SLC4A4: variants seen among roughly 807,000 people sequenced by gnomAD.
The protein encoded by SLC4A4 is electrogenic sodium bicarbonate cotransporter 1.
In SLC4A4, 27 loss-of-function variants were observed where a neutral mutation model predicts 111.5. The observed-to-expected ratio is 0.24, with a 90% CI of 0.18 to 0.33. The LOEUF (loss-of-function observed/expected upper bound fraction) is 0.33, where lower values mean the gene tolerates loss of function less well. Among genes scored for constraint, SLC4A4 ranks in the 10% least tolerant of loss-of-function variants. SLC4A4 has a pLI of 1.00. For synonymous variants in SLC4A4, 443 were observed against 463.4 expected, an observed-to-expected ratio of 0.96 and a Z score of 0.57; for missense variants, 909 against 1,315.5, an observed-to-expected ratio of 0.69 and a Z score of 4.78.
At chr4:71,221,429 A>G (rs769864829) in intron 1 of SLC4A4, among the ~76,000 whole-genome samples, 1 of 152,250 alleles carries the variant, frequency 6.6e-6, no homozygotes, top group Non-Finnish European at 1.5e-5. Context: ...AAAGGATGAC[A>G]AGCTCAGGGC....
chr4:71,448,749 C>T (rs958471169), intron 9 of SLC4A4, among the ~76,000 whole-genome samples: 4 of 152,102 alleles, frequency 2.6e-5, no homozygotes, highest in Non-Finnish European at 5.9e-5. Context: ...TACTATTTCC[C>T]CAAATGTATT....
intron 2 of SLC4A4, among the ~76,000 whole-genome samples, chr4:71,093,409 C>T (rs1202416248): frequency 6.6e-6 from 1 of 152,166 alleles, no homozygotes; most frequent in African/African-American, 2.4e-5. Context: ...CTCAAGTGAT[C>T]TGCCTGTCTC....
At chr4:71,170,807 G>A (rs1407266566) in intron 2 of SLC4A4, among the ~76,000 whole-genome samples, 2 of 152,226 alleles carry the variant, frequency 1.3e-5, no homozygotes, top group South Asian at 4.1e-4. Flanking sequence ...ATGGAGGAGA[G>A]GTCTTTAGGG....
At chr4:71,274,270 T>C (rs1459046895) in intron 3 of SLC4A4, among the ~76,000 whole-genome samples, 1 of 152,154 alleles carries the variant, frequency 6.6e-6, no homozygotes, top group Non-Finnish European at 1.5e-5. Context: ...CATCTTGACA[T>C]TGAGTAGGCT....
chr4:71,179,185 G>A (rs1194095374), intron 2 of SLC4A4, among the ~76,000 whole-genome samples: 2 of 152,100 alleles, frequency 1.3e-5, no homozygotes, highest in Non-Finnish European at 2.9e-5. Flanking sequence ...CAATAAATTA[G>A]GTATTGATGG....
intron 2 of SLC4A4, among the ~76,000 whole-genome samples, chr4:71,115,898 A>T (rs2066030132): frequency 1.3e-5 from 2 of 152,104 alleles, no homozygotes; most frequent in South Asian, 4.1e-4. Context: ...TTTTTATTTT[A>T]TTTTTTGTTT....
chr4:71,242,591 A>G (rs868825369), intron 2 of SLC4A4, among the ~76,000 whole-genome samples: 41 of 152,230 alleles, frequency 2.7e-4, no homozygotes, highest in Middle Eastern at 3.4e-3. Flanking sequence ...GGCATTAGGA[A>G]CAGGAGTGCT....
chr4:71,551,820 C>T (rs1198732916), intron 20 of SLC4A4, among the ~76,000 whole-genome samples: 2 of 151,924 alleles, frequency 1.3e-5, no homozygotes, highest in African/African-American at 4.8e-5. Context: ...CCAGTTTCTT[C>T]AATGACTAGG....
At chr4:71,191,646 G>A (rs77411939) in intron 1 of SLC4A4, among the ~76,000 whole-genome samples, 2,257 of 152,200 alleles carry the variant, frequency 0.015, 64 homozygotes, top group African/African-American at 0.051. Context: ...CCCACTTGCC[G>A]CAACTTTATT....
intron 2 of SLC4A4, among the ~76,000 whole-genome samples, chr4:71,144,030 G>A (rs1163277367): frequency 6.6e-6 from 1 of 152,158 alleles, no homozygotes; most frequent in East Asian, 1.9e-4. Flanking sequence ...CCATGCCTAT[G>A]TCCTGAATGG....
At chr4:71,226,736 A>G (rs1259005285) in intron 1 of SLC4A4, among the ~76,000 whole-genome samples, 1 of 152,144 alleles carries the variant, frequency 6.6e-6, no homozygotes, top group African/African-American at 2.4e-5. Flanking sequence ...TGAAATACAC[A>G]TTCAGGGCCT....
At chr4:71,082,712 A>C (rs1473904491) in intron 1 of SLC4A4, among the ~76,000 whole-genome samples, 1 of 152,062 alleles carries the variant, frequency 6.6e-6, no homozygotes, top group African/African-American at 2.4e-5. Context: ...TTTTGAAATC[A>C]ATACATTACA....
chr4:71,510,806 G>GT (rs1470615519), intron 16 of SLC4A4, among the ~76,000 whole-genome samples: 7 of 151,690 alleles, frequency 4.6e-5, no homozygotes, highest in Admixed American at 2.6e-4. Flanking sequence ...TTCCTCTTTT[G>GT]TTGTTTTCCT....
intron 7 of SLC4A4, among the ~76,000 whole-genome samples, chr4:71,438,657 T>A (rs1268942206): frequency 6.6e-6 from 1 of 152,210 alleles, no homozygotes; most frequent in South Asian, 2.1e-4. Context: ...TAACTAGTAA[T>A]GTTTAGATAA....
At chr4:71,321,412 G>T (rs1297421629) in intron 3 of SLC4A4, among the ~76,000 whole-genome samples, 1 of 151,978 alleles carries the variant, frequency 6.6e-6, no homozygotes, top group Non-Finnish European at 1.5e-5. Flanking sequence ...CATTTCTCAA[G>T]CAGTCGAACT....
intron 14 of SLC4A4, among the ~76,000 whole-genome samples, chr4:71,479,802 A>T (rs1163345172): frequency 6.6e-6 from 1 of 151,660 alleles, no homozygotes; most frequent in African/African-American, 2.4e-5. Context: ...GTTTGCTTTT[A>T]CTGTCTTAAC....
intron 2 of SLC4A4, among the ~76,000 whole-genome samples, chr4:71,242,910 C>A (rs1235476013): frequency 6.6e-6 from 1 of 152,090 alleles, no homozygotes; most frequent in Non-Finnish European, 1.5e-5. Flanking sequence ...AAAACTAAAG[C>A]CAGAATGATC....
chr4:71,244,309 A>G (rs1720471074), intron 2 of SLC4A4, among the ~76,000 whole-genome samples: 1 of 152,206 alleles, frequency 6.6e-6, no homozygotes, highest in Admixed American at 6.5e-5. Flanking sequence ...TCTGCATAAT[A>G]CAAGGCAAAT....
intron 13 of SLC4A4, among the ~76,000 whole-genome samples, chr4:71,471,325 T>A (rs1316167320): frequency 6.6e-6 from 1 of 151,972 alleles, no homozygotes; most frequent in East Asian, 1.9e-4. Flanking sequence ...AGCTAGGGTG[T>A]CTGACTTTCA....
Sources: allele counts gnomAD v4.1 joint callset (sites outside exome capture counted in the v4.1 genomes callset), GRCh38; gene constraint gnomAD v4.1.1; transcripts MANE v1.5; gene names NCBI Gene and HGNC (gene_info 2026-07-23, HGNC 2026-07-21).